Variants in LRRC7 observed in about 807,000 individuals in gnomAD.
The protein encoded by LRRC7 is leucine rich repeat containing 7, also known as leucine-rich repeat-containing protein 7.
LRRC7 carries 23 observed loss-of-function variants against 175.7 expected under a neutral mutation model. The ratio of observed to expected loss-of-function variants is 0.13; its 90% CI spans 0.09 to 0.19. The LOEUF is 0.19. Among genes scored for constraint, LRRC7 ranks in the 10% least tolerant of loss-of-function variants. The probability of loss-of-function intolerance (pLI) is 1.00; values close to 1 mark genes in which losing one functional copy is unlikely to be tolerated. For synonymous variants in LRRC7, 685 were observed against 680.9 expected (o/e 1.01, Z -0.09); for missense variants, 1,354 against 1,904.7 (o/e 0.71, Z 5.38).
In LRRC7 at chr1:70,064,095, G is replaced by T. The variant is rs184068256; in HGVS notation, c.4230+10950G>T. Among the ~76,000 whole-genome samples the T allele has an allele frequency of 2.6e-5, 4 of 152,048 alleles. No homozygotes were observed. The East Asian group carries it at 7.7e-4, about 29-fold the overall frequency. On this transcript the variant is annotated intron_variant, in intron 23 of 26. Transcript: ENST00000651989. ...ATTTTGAATGCCCTCTAAAATTACT[G>T]CAGTGTGCCACCAGAATGAAATGTC...
chr1:69,678,317 T>C (rs1309191066), intron 1 of LRRC7, 64 bp from the exon 2 acceptor site: 1 of 1,193,744 alleles, frequency 8.4e-7, no homozygotes, highest in Non-Finnish European at 1.2e-6. Context: ...TTTAGACCAT[T>C]TAACTTGTAA....
At chr1:70,017,807 A>C (rs1005234161) in intron 14 of LRRC7, among the ~76,000 whole-genome samples, 1 of 152,166 alleles carries the variant, frequency 6.6e-6, no homozygotes, top group South Asian at 2.1e-4. Flanking sequence ...AGATTTTTCA[A>C]GGCATCAATA....
chr1:69,802,586 A>T (rs1676645754), intron 4 of LRRC7, among the ~76,000 whole-genome samples: 1 of 151,156 alleles, frequency 6.6e-6, no homozygotes, highest in Non-Finnish European at 1.5e-5. Flanking sequence ...TCATCCCTTT[A>T]CCTTCAGTTT....
At position 70,136,774 on chromosome 1, in the gene LRRC7, G is replaced by A. The variant is rs995262433; in HGVS notation, c.*14887G>A. Among the ~76,000 whole-genome samples, 34 of 137,314 alleles carry A rather than the reference G, an allele frequency of 2.5e-4. 2 individuals carry two copies. The highest frequency in any genetic ancestry group is 9.2e-4 in the African/African-American group (33 of 35,842). The allele number at this position is 137,314 out of a possible 152,430, so 90.1% of individuals were successfully genotyped here. On this transcript the variant is annotated 3_prime_UTR_variant, in exon 27 of 27. Coordinates refer to ENST00000651989, the MANE Select transcript of LRRC7 (RefSeq NM_001370785.2). ...AGACAGGGTCTTGCTCTGTCACCCA[G>A]GTTGGAGTGCAGTGGCATGATCATG...
intron 2 of LRRC7, among the ~76,000 whole-genome samples, chr1:69,680,719 G>C (rs1043003762): frequency 6.7e-6 from 1 of 150,062 alleles, no homozygotes; most frequent in Non-Finnish European, 1.5e-5. Context: ...TATCATGGTA[G>C]TTAAAACTAT....
At chr1:69,685,318 T>C (rs905947722) in intron 2 of LRRC7, among the ~76,000 whole-genome samples, 3 of 152,080 alleles carry the variant, frequency 2.0e-5, no homozygotes, top group African/African-American at 7.2e-5. Context: ...ATATTCAAAA[T>C]GCAGTTGACT....
intron 1 of LRRC7, among the ~76,000 whole-genome samples, chr1:69,589,466 G>C (rs147547612): frequency 6.6e-6 from 1 of 152,022 alleles, no homozygotes; most frequent in Non-Finnish European, 1.5e-5. Flanking sequence ...GAATCCAATC[G>C]GGAGTGAGTC....
chr1:69,678,854 C>T (rs1284675736), intron 2 of LRRC7, among the ~76,000 whole-genome samples: 1 of 152,030 alleles, frequency 6.6e-6, no homozygotes, highest in Non-Finnish European at 1.5e-5. Flanking sequence ...TTCCAGTTTC[C>T]ATTTAGCCAC....
intron 10 of LRRC7, among the ~76,000 whole-genome samples, chr1:69,990,757 A>T (rs559452248): frequency 1.2e-4 from 19 of 152,306 alleles, no homozygotes; most frequent in African/African-American, 3.4e-4. Context: ...AAATGTAAAA[A>T]TGATAAAATA....
intron 4 of LRRC7, among the ~76,000 whole-genome samples, chr1:69,806,659 C>T (rs1437155945): frequency 6.6e-6 from 1 of 151,928 alleles, no homozygotes; most frequent in East Asian, 1.9e-4. Flanking sequence ...CATAAATTAT[C>T]CTAGCAATGT....
chr1:69,838,417 G>A (rs1681357453), intron 7 of LRRC7, 134 bp downstream of exon 7: 1 of 666,486 alleles, frequency 1.5e-6, no homozygotes, highest in East Asian at 3.0e-5. Context: ...AGGCCAAAAA[G>A]TATGGTATAC....
chr1:69,893,181 C>A (rs1455231753), intron 7 of LRRC7, among the ~76,000 whole-genome samples: 2 of 152,100 alleles, frequency 1.3e-5, no homozygotes, highest in African/African-American at 4.8e-5. Context: ...GTATCAGTTT[C>A]TTTGCAATAA....
intron 8 of LRRC7, among the ~76,000 whole-genome samples, chr1:69,977,496 A>G (rs142188765): frequency 1.3e-5 from 2 of 152,360 alleles, no homozygotes; most frequent in African/African-American, 4.8e-5. Flanking sequence ...AATAAATTAT[A>G]GAAGTGCTGT....
At chr1:69,725,952 CTG>C (rs574022236) in intron 2 of LRRC7, among the ~76,000 whole-genome samples, 108 of 152,308 alleles carry the variant, frequency 7.1e-4, no homozygotes, top group African/African-American at 2.4e-3. Flanking sequence ...TGGACCCTAC[CTG>C]TAGCCTAGAC....
intron 2 of LRRC7, among the ~76,000 whole-genome samples, chr1:69,690,299 G>A (rs551901061): frequency 2.5e-4 from 38 of 152,290 alleles, no homozygotes; most frequent in African/African-American, 8.2e-4. Flanking sequence ...AGGAGTAACT[G>A]TAGTCAAGTC....
At chr1:69,608,895 TATATACAC>T (rs1247864578) in intron 1 of LRRC7, among the ~76,000 whole-genome samples, 130 of 128,192 alleles carry the variant, frequency 1.0e-3, no homozygotes, top group Non-Finnish European at 1.2e-3. Context: ...TATATATATA[TATATACAC>T]ACACACACAC....
chr1:69,868,991 C>T (rs904565043), intron 7 of LRRC7, among the ~76,000 whole-genome samples: 3 of 151,816 alleles, frequency 2.0e-5, no homozygotes, highest in Non-Finnish European at 2.9e-5. Flanking sequence ...ACGGTCCACC[C>T]TAGTGACCTC....
Position 70,135,359 on chromosome 1 carries a change from CA to C in LRRC7, c.*13475del, listed in dbSNP as rs1666824554. 6.6e-6 allele frequency among the ~76,000 whole-genome samples: 1 copy of C among 152,094 alleles called. No homozygotes were observed. The highest frequency in any genetic ancestry group is 2.4e-5 in the African/African-American group (1 of 41,444). On this transcript the variant is annotated 3_prime_UTR_variant, in exon 27 of 27. Transcript: ENST00000651989. The stretch of plus-strand genomic sequence containing the variant: ...CCCATCTCCGTGCCATACTGTAGAA[CA>C]AACATCATTTTTTTAGTTCTGTCAT...
At chr1:70,021,555 T>G (rs1313667107) in intron 16 of LRRC7, among the ~76,000 whole-genome samples, 2 of 152,138 alleles carry the variant, frequency 1.3e-5, no homozygotes. Flanking sequence ...ATATGTTACA[T>G]TGGCATTAAA....
Sources: allele counts gnomAD v4.1 joint callset (sites outside exome capture counted in the v4.1 genomes callset), GRCh38; gene constraint gnomAD v4.1.1; transcripts MANE v1.5; gene names NCBI Gene and HGNC (gene_info 2026-07-23, HGNC 2026-07-21).